The following CALD1 variants were observed in gnomAD, a reference collection of about 807,000 sequenced individuals.
CALD1 encodes the protein caldesmon.
A neutral mutation model predicts 99.9 loss-of-function variants in CALD1; 33 were observed. The observed-to-expected ratio is 0.33, with a 90% CI of 0.25 to 0.44. The LOEUF (loss-of-function observed/expected upper bound fraction) is 0.44. CALD1 is among the 20% of genes least tolerant of loss of function. The pLI, the probability that CALD1 is intolerant of heterozygous loss-of-function variation, is 1.00. For missense variants in CALD1, 861 were observed against 962.1 expected, an observed-to-expected ratio of 0.89 and a Z score of 1.39; for synonymous variants, 310 against 325.0, an observed-to-expected ratio of 0.95 and a Z score of 0.50.
intron 1 of CALD1, among the ~76,000 whole-genome samples, chr7:134,756,561 T>C (rs1796732311): frequency 2.0e-5 from 3 of 152,128 alleles, no homozygotes; most frequent in Admixed American, 6.5e-5. Flanking sequence ...AAACTATGTA[T>C]TATAAATTAT....
chr7:134,728,969 A>G, the CALD1 span, among the ~76,000 whole-genome samples: 4 of 149,044 alleles, frequency 2.7e-5, no homozygotes, highest in Admixed American at 2.0e-4. Context: ...CTGGTGCCTC[A>G]GCCTCCTGAG....
intron 3 of CALD1, among the ~76,000 whole-genome samples, chr7:134,893,387 G>C (rs956272415): frequency 6.6e-6 from 1 of 152,098 alleles, no homozygotes; most frequent in Non-Finnish European, 1.5e-5. Flanking sequence ...CTTCCGCCAG[G>C]GAGAATGTTA....
chr7:134,768,040 C>A (rs1477707751), intron 1 of CALD1, among the ~76,000 whole-genome samples: 1 of 152,208 alleles, frequency 6.6e-6, no homozygotes, highest in Non-Finnish European at 1.5e-5. Flanking sequence ...AATCCAACAG[C>A]AATGAATATG....
intron 1 of CALD1, among the ~76,000 whole-genome samples, chr7:134,842,054 T>G (rs1224487344): frequency 6.6e-6 from 1 of 152,196 alleles, no homozygotes; most frequent in East Asian, 1.9e-4. Flanking sequence ...GTTTTTTATT[T>G]GCTCACTCAC....
chr7:134,926,348 T>G (rs1179318347), intron 3 of CALD1, among the ~76,000 whole-genome samples: 1 of 152,256 alleles, frequency 6.6e-6, no homozygotes, highest in Non-Finnish European at 1.5e-5. Flanking sequence ...ACCCAAGTTT[T>G]CTGAATCCTA....
intron 1 of CALD1, among the ~76,000 whole-genome samples, chr7:134,791,051 AGG>A (rs1797510051): frequency 9.1e-6 from 1 of 109,330 alleles, no homozygotes; most frequent in Non-Finnish European, 1.9e-5. Context: ...TCACCTTCCC[AGG>A]TGAGATACTA....
At chr7:134,777,257 T>C (rs184669406), upstream of CALD1, among the ~76,000 whole-genome samples, 1 of 152,280 alleles carries the variant, frequency 6.6e-6, no homozygotes, top group East Asian at 1.9e-4. Context: ...ATGAAATTTG[T>C]TAAATTATTC....
At position 134,947,607 on chromosome 7, in the gene CALD1, G is replaced by C; in HGVS notation, c.1632G>C (p.Gly544=). ...TGGAGGAGCTTCGTCGTCGTCGCGGGGAGACCGAGAGCGAAGAGTTCGAGA... is the reference window on the plus strand; with the variant it reads ...TGGAGGAGCTTCGTCGTCGTCGCGGCGAGACCGAGAGCGAAGAGTTCGAGA... ...KRLEELRRRR[G]ETESEEFEKL... is the part of the protein sequence containing the mutation. Residue 544 remains glycine, a synonymous_variant, in exon 8 of 15, where the codon GGG becomes GGC. Transcript: ENST00000361675. 1 of 1,562,848 alleles carries C rather than the reference G, an allele frequency of 6.4e-7. No individual in the cohort carries two copies.
chr7:134,816,728 T>A (rs938483315), intron 1 of CALD1, among the ~76,000 whole-genome samples: 3 of 152,162 alleles, frequency 2.0e-5, no homozygotes, highest in Non-Finnish European at 4.4e-5. Flanking sequence ...AACTGTGCCA[T>A]CATAGGATCA....
rs35569742 is a variant in CALD1, at chr7:134,872,357, CAAA to C, written c.71+4576_71+4578del. 8.7e-3 allele frequency among the ~76,000 whole-genome samples: 876 copies of C among 100,286 alleles called. 2 individuals carry two copies. Among genetic ancestry groups the C allele is most frequent in the Non-Finnish European group, 0.016 (725 of 45,258 alleles). The allele number at this position is 100,286 out of a possible 152,430, so 65.8% of individuals were successfully genotyped here. On this transcript the variant is annotated intron_variant, in intron 3 of 14. Coordinates refer to ENST00000361675, the MANE Select transcript of CALD1 (RefSeq NM_033138.4). ...TAAGTGACGGAGTGAGACTCGGTCT[CAAA>C]AAAAAAAAAAAAAAAAAAAAAACTT...
chr7:134,781,253 T>G (rs551538671), intron 1 of CALD1, among the ~76,000 whole-genome samples: 1 of 152,360 alleles, frequency 6.6e-6, no homozygotes, highest in Admixed American at 6.5e-5. Context: ...TTCTTTTAAC[T>G]GTTCTCTAAA....
chr7:134,841,410 C>T (rs1799643385), intron 1 of CALD1, among the ~76,000 whole-genome samples: 1 of 152,184 alleles, frequency 6.6e-6, no homozygotes, highest in Non-Finnish European at 1.5e-5. Flanking sequence ...ATTTCCATCC[C>T]CACAAATTAT....
chr7:134,936,320 G>A (rs536453729), intron 6 of CALD1, among the ~76,000 whole-genome samples: 3 of 152,260 alleles, frequency 2.0e-5, no homozygotes, highest in African/African-American at 2.4e-5. Flanking sequence ...ACACAGGAGC[G>A]GGTGCCAGGG....
intron 1 of CALD1, among the ~76,000 whole-genome samples, chr7:134,773,643 G>A (rs1301799742): frequency 3.3e-5 from 5 of 152,052 alleles, no homozygotes; most frequent in East Asian, 1.9e-4. Context: ...ATACACAAGC[G>A]TTCTTTTCTG....
At chr7:134,919,575 G>A (rs1438855325) in intron 3 of CALD1, among the ~76,000 whole-genome samples, 4 of 152,180 alleles carry the variant, frequency 2.6e-5, no homozygotes, top group Non-Finnish European at 5.9e-5. Flanking sequence ...ATTATTGAGA[G>A]CCCAAGTATG....
intron 1 of CALD1, among the ~76,000 whole-genome samples, chr7:134,768,794 T>C (rs1032042484): frequency 7.9e-5 from 12 of 152,236 alleles, no homozygotes; most frequent in Non-Finnish European, 1.8e-4. Flanking sequence ...TCCTCTTTTA[T>C]GCATTGCTGA....
intron 1 of CALD1, among the ~76,000 whole-genome samples, chr7:134,842,663 C>T (rs1373552784): frequency 3.3e-5 from 5 of 152,206 alleles, no homozygotes; most frequent in Non-Finnish European, 7.4e-5. Context: ...TCACCCTCTG[C>T]TCTTAGTATC....
intron 2 of CALD1, chr7:134,867,063 G>A (rs1234670399): frequency 6.6e-6 from 1 of 152,158 alleles, no homozygotes; most frequent in East Asian, 1.9e-4. Flanking sequence ...AAATGGTTGG[G>A]TTACATCTGT....
chr7:134,741,841 G>T (rs1419686346), upstream of CALD1, among the ~76,000 whole-genome samples: 1 of 152,146 alleles, frequency 6.6e-6, no homozygotes, highest in East Asian at 1.9e-4. Flanking sequence ...GAAACTTTAT[G>T]TTTATTCACC....
Sources: gnomAD v4.1 joint callset for allele counts (sites outside exome capture counted in the v4.1 genomes callset) on GRCh38, gnomAD v4.1.1 for gene constraint, MANE v1.5 for transcripts, NCBI Gene and HGNC (gene_info 2026-07-23, HGNC 2026-07-21) for gene names.